Variants in NIPAL2 observed in about 807,000 individuals in gnomAD.
NIPAL2 encodes NIPA like domain containing 2, also known as NIPA-like protein 2.
Under a neutral mutation model 48.9 loss-of-function variants are expected in NIPAL2, and 43 were observed. The ratio of observed to expected loss-of-function variants is 0.88; its 90% confidence interval spans 0.69 to 1.13. The LOEUF is 1.13. Among genes scored for constraint, NIPAL2 ranks in the 50% most tolerant of loss-of-function variants. The pLI is 0.00. For missense variants in NIPAL2, 446 were observed against 461.4 expected (o/e 0.97, Z 0.31); for synonymous variants, 167 against 174.6 (o/e 0.96, Z 0.34).
chr8:98,274,179 TAA>T (rs781566493), intron 1 of NIPAL2, among the ~76,000 whole-genome samples: 7 of 152,064 alleles, frequency 4.6e-5, no homozygotes, highest in Admixed American at 6.6e-5. Flanking sequence ...TCAAGTTTTA[TAA>T]GTTTCCATGT....
chr8:98,222,780 A>G (rs1192332718), intron 4 of NIPAL2, among the ~76,000 whole-genome samples, 180 bp from the exon 5 acceptor site: 1 of 152,234 alleles, frequency 6.6e-6, no homozygotes, highest in Non-Finnish European at 1.5e-5. Flanking sequence ...CATTCCCTTT[A>G]CAGGGGAATA....
At chr8:98,193,855 T>C (rs73281898) in intron 10 of NIPAL2, among the ~76,000 whole-genome samples, 5,235 of 151,362 alleles carry the variant, frequency 0.035, 303 homozygotes, top group African/African-American at 0.12. Context: ...CCTCTAACCA[T>C]ATAAGGCTTC....
chr8:98,232,921 A>G (rs1812509360), intron 4 of NIPAL2, among the ~76,000 whole-genome samples: 1 of 152,204 alleles, frequency 6.6e-6, no homozygotes, highest in African/African-American at 2.4e-5. Context: ...TTAACATAGT[A>G]TTTGGCAAGA....
intron 1 of NIPAL2, among the ~76,000 whole-genome samples, chr8:98,259,141 A>ATC (rs1814128174): frequency 8.2e-6 from 1 of 122,278 alleles, no homozygotes; most frequent in Non-Finnish European, 1.6e-5. Flanking sequence ...CAGTGGCGCG[A>ATC]TCTCGACTCA....
At chr8:98,259,068 TCC>T (rs376497977) in intron 1 of NIPAL2, among the ~76,000 whole-genome samples, 44 of 69,676 alleles carry the variant, frequency 6.3e-4, no homozygotes, top group African/African-American at 9.4e-4. Flanking sequence ...CTTTAAATAT[TCC>T]TTTTTTTTTT....
At chr8:98,194,905 G>T in intron 9 of NIPAL2, 83 bp from the exon 10 acceptor site, 1 of 737,868 alleles carries the variant, frequency 1.4e-6, no homozygotes, top group Non-Finnish European at 2.1e-6. Flanking sequence ...TATTCTACAT[G>T]ATGACATAAA....
chr8:98,209,675 AT>A (rs112726461), intron 6 of NIPAL2, among the ~76,000 whole-genome samples: 156 of 145,502 alleles, frequency 1.1e-3, no homozygotes, highest in Non-Finnish European at 1.1e-3. Context: ...TTATTTGCTA[AT>A]TTTTTTTTTT....
rs545559071 is a variant in NIPAL2, at chr8:98,215,062, G to A, written c.559-2561C>T. 9.8e-5 allele frequency among the ~76,000 whole-genome samples: 15 copies of A among 152,332 alleles called. No homozygotes were observed. The East Asian group carries it at 1.9e-3, about 20-fold the overall frequency. ...GACAATTCACAGCAGCGTTTGGGCC[G>A]CTGTATTTGTTGCTGGAGAAAAGAA... On this transcript the variant is annotated intron_variant, in intron 5 of 10. Coordinates refer to ENST00000430223, the MANE Select transcript of NIPAL2 (RefSeq NM_001321635.2).
At chr8:98,221,266 G>T (rs150647066) in intron 5 of NIPAL2, among the ~76,000 whole-genome samples, 1 of 151,714 alleles carries the variant, frequency 6.6e-6, no homozygotes, top group Non-Finnish European at 1.5e-5. Flanking sequence ...GTGAGCCACC[G>T]TGCCCAGCCT....
At chr8:98,194,606 A>G in intron 10 of NIPAL2, 122 bp downstream of exon 10, 1 of 506,856 alleles carries the variant, frequency 2.0e-6, no homozygotes, top group Non-Finnish European at 3.4e-6. Context: ...TGGTTTCATT[A>G]TTAAATGTAC....
intron 1 of NIPAL2, among the ~76,000 whole-genome samples, chr8:98,277,620 C>G (rs554591611): frequency 6.6e-6 from 1 of 152,258 alleles, no homozygotes; most frequent in South Asian, 2.1e-4. Context: ...TCCCTCCTCC[C>G]CACAGTCCAT....
At chr8:98,255,578 T>C (rs929934162) in intron 1 of NIPAL2, among the ~76,000 whole-genome samples, 1 of 152,224 alleles carries the variant, frequency 6.6e-6, no homozygotes, top group African/African-American at 2.4e-5. Context: ...AAGTAAAAAG[T>C]GGAAAACTCA....
Position 98,205,316 on chromosome 8 carries a change from A to T in NIPAL2, c.656-70T>A. 5.0e-6 allele frequency: 7 copies of T among 1,392,754 alleles called. No homozygotes were observed. The South Asian group carries it at 8.9e-5, about 18-fold the overall frequency. The allele number at this position is 1,392,754 out of a possible 1,614,324, so 86.3% of individuals were successfully genotyped here. ...TTGAATTAACAAATATCTTAAGCTT[A>T]TGTAGTAGAGTAGCAAATATACCAA... On this transcript the variant is annotated intron_variant, in intron 6 of 10. Transcript: ENST00000430223.
intron 1 of NIPAL2, among the ~76,000 whole-genome samples, chr8:98,292,590 G>A (rs1213819908): frequency 1.3e-5 from 2 of 152,164 alleles, no homozygotes; most frequent in Non-Finnish European, 2.9e-5. Context: ...TATGTCACAT[G>A]ATAATCTGTG....
intron 3 of NIPAL2, 37 bp downstream of exon 3, chr8:98,252,426 T>A: frequency 6.5e-7 from 1 of 1,530,730 alleles, no homozygotes. Context: ...TATTCTGCTC[T>A]TTAAGTTTCT....
intron 4 of NIPAL2, among the ~76,000 whole-genome samples, chr8:98,223,555 T>C (rs955967381): frequency 1.3e-5 from 2 of 152,240 alleles, no homozygotes; most frequent in African/African-American, 4.8e-5. Flanking sequence ...ATAACCAACA[T>C]AGACTCCAAC....
intron 5 of NIPAL2, among the ~76,000 whole-genome samples, chr8:98,220,408 A>ATTTTTTTTTTT (rs71273110): frequency 7.1e-6 from 1 of 140,810 alleles, no homozygotes. Context: ...GTGTGCTTTG[A>ATTTTTTTTTTT]TTTTTTTTTT....
At chr8:98,228,493 G>A (rs564847719) in intron 4 of NIPAL2, among the ~76,000 whole-genome samples, 11 of 152,254 alleles carry the variant, frequency 7.2e-5, no homozygotes, top group African/African-American at 2.6e-4. Context: ...AAGAGCTTAG[G>A]CAAGTTATTT....
At position 98,259,069 on chromosome 8, in the gene NIPAL2, C is replaced by CTTTTTTTTTTTTT. The variant is rs1563531576; in HGVS notation, c.136-4983_136-4982insAAAAAAAAAAAAA. 2.8e-4 allele frequency among the ~76,000 whole-genome samples: 25 copies of CTTTTTTTTTTTTT among 89,342 alleles called. 1 individual carries two copies. Among genetic ancestry groups the CTTTTTTTTTTTTT allele is most frequent in the African/African-American group, 8.7e-4 (19 of 21,790 alleles). 58.6% of individuals were successfully genotyped at this position (89,342 alleles called of 152,430 possible). A position where few individuals can be genotyped will look rare whatever the true frequency, so the allele number is the denominator to read the frequency against. Reference sequence around the variant, plus strand: ...TTATGCTGCTGTTCCTTTAAATATTCCTTTTTTTTTTTTTTTTTTTTTTTT... The same window carrying CTTTTTTTTTTTTT: ...TTATGCTGCTGTTCCTTTAAATATTCTTTTTTTTTTTTTCTTTTTTTTTTTTTTTTTTTTTTTT... On this transcript the variant is annotated intron_variant, in intron 1 of 10. Transcript: ENST00000430223.
Sources: allele counts gnomAD v4.1 joint callset (sites outside exome capture counted in the v4.1 genomes callset), GRCh38; gene constraint gnomAD v4.1.1; transcripts MANE v1.5; gene names NCBI Gene and HGNC (gene_info 2026-07-23, HGNC 2026-07-21).